The following ADRA1B variants were observed in gnomAD, a reference collection of about 807,000 sequenced individuals.
ADRA1B encodes adrenoceptor alpha 1B.
Under a neutral mutation model 17.9 loss-of-function variants are expected in ADRA1B, and 17 were observed. That is an observed-to-expected ratio of 0.95 (90% CI 0.65 to 1.42). The LOEUF (loss-of-function observed/expected upper bound fraction) is 1.42. ADRA1B is among the 40% of genes most tolerant of loss of function. The pLI, the probability that ADRA1B is intolerant of heterozygous loss-of-function variation, is 0.00. For synonymous variants in ADRA1B, 366 were observed against 327.6 expected (o/e 1.12, Z -1.27); for missense variants, 681 against 722.1 (o/e 0.94, Z 0.65).
intron 1 of ADRA1B, among the ~76,000 whole-genome samples, chr5:159,872,109 A>T (rs539887956): frequency 6.6e-6 from 1 of 152,256 alleles, no homozygotes; most frequent in African/African-American, 2.4e-5. Flanking sequence ...AACTAAAATA[A>T]TCTTATAAGA....
intron 1 of ADRA1B, among the ~76,000 whole-genome samples, chr5:159,893,436 C>A (rs1369053869): frequency 6.6e-6 from 1 of 152,168 alleles, no homozygotes; most frequent in Non-Finnish European, 1.5e-5. Flanking sequence ...GGAGAGGCAG[C>A]TTGGAAGGAG....
At chr5:159,887,016 A>C (rs1753932426) in intron 1 of ADRA1B, among the ~76,000 whole-genome samples, 1 of 152,190 alleles carries the variant, frequency 6.6e-6, no homozygotes, top group Non-Finnish European at 1.5e-5. Context: ...ATGATGAAAA[A>C]TTGAGTGGAT....
intron 1 of ADRA1B, among the ~76,000 whole-genome samples, chr5:159,878,936 C>T (rs750643018): frequency 3.9e-5 from 6 of 152,136 alleles, no homozygotes. Context: ...ACTTACTGCT[C>T]ATGCCCCCTA....
intron 1 of ADRA1B, among the ~76,000 whole-genome samples, chr5:159,881,167 C>T (rs1470257794): frequency 8.6e-6 from 1 of 115,658 alleles, no homozygotes; most frequent in Non-Finnish European, 1.6e-5. Flanking sequence ...GGCGACAGAG[C>T]GAGACTCCGT....
intron 1 of ADRA1B, among the ~76,000 whole-genome samples, chr5:159,958,575 T>G (rs1159476947): frequency 1.3e-5 from 2 of 152,208 alleles, no homozygotes; most frequent in African/African-American, 4.8e-5. Context: ...CTCATGGTTA[T>G]TCTTCCAAAT....
intron 1 of ADRA1B, among the ~76,000 whole-genome samples, chr5:159,910,539 A>T (rs1754217446): frequency 6.6e-6 from 1 of 152,034 alleles, no homozygotes; most frequent in African/African-American, 2.4e-5. Context: ...AGGTTAACAA[A>T]TTTTTTCTGC....
intron 1 of ADRA1B, among the ~76,000 whole-genome samples, chr5:159,896,484 T>C (rs193113472): frequency 6.9e-4 from 105 of 152,324 alleles, no homozygotes; most frequent in Non-Finnish European, 4.1e-4. Context: ...TTAAATGTGT[T>C]CCTGGAATTC....
At chr5:159,958,877 T>G (rs1755614911) in intron 1 of ADRA1B, among the ~76,000 whole-genome samples, 1 of 152,238 alleles carries the variant, frequency 6.6e-6, no homozygotes, top group African/African-American at 2.4e-5. Context: ...CTATTTCCAA[T>G]GAGGTCAAAG....
At chr5:159,894,849 C>T (rs755907564) in intron 1 of ADRA1B, among the ~76,000 whole-genome samples, 2 of 152,190 alleles carry the variant, frequency 1.3e-5, no homozygotes, top group East Asian at 1.9e-4. Context: ...AGAACTACTA[C>T]CATTAAGAAC....
At position 159,948,793 on chromosome 5, in the gene ADRA1B, A is replaced by T. The variant is rs897048366; in HGVS notation, c.950-23086A>T. On this transcript the variant is annotated intron_variant, in intron 1 of 1. Coordinates refer to ENST00000306675, the MANE Select transcript of ADRA1B (RefSeq NM_000679.4). ...TTGGGGTTGTTTCCAATTTTTAGTT[A>T]TGATAAATAATGTGCCAATAAAATC... 1.2e-3 allele frequency among the ~76,000 whole-genome samples: 189 copies of T among 152,322 alleles called. 2 individuals are homozygous for T. The highest frequency in any genetic ancestry group is 4.1e-4 in the Non-Finnish European group (28 of 68,026).
chr5:159,942,636 C>A (rs192302888), intron 1 of ADRA1B, among the ~76,000 whole-genome samples: 2 of 152,232 alleles, frequency 1.3e-5, no homozygotes, highest in East Asian at 3.9e-4. Flanking sequence ...CACAGTGAGA[C>A]CCTCATCTCT....
At chr5:159,984,189 C>T in the ADRA1B span, among the ~76,000 whole-genome samples, 11 of 152,192 alleles carry the variant, frequency 7.2e-5, no homozygotes, top group Admixed American at 3.9e-4. Flanking sequence ...TCTCTTCACT[C>T]CCTGGTTACC....
rs972350394 is a variant in ADRA1B, at chr5:159,945,304, A to G, written c.950-26575A>G. On this transcript the variant is annotated intron_variant, in intron 1 of 1. Transcript: ENST00000306675. Reference sequence around the variant, plus strand: ...GAGGTGGAGGTTGCAGTGAGCCCAGATTGCGCCATTGCACTCCAGCCTGGG... The same window carrying G: ...GAGGTGGAGGTTGCAGTGAGCCCAGGTTGCGCCATTGCACTCCAGCCTGGG... Among the ~76,000 whole-genome samples the G allele has an allele frequency of 3.3e-5, 5 of 152,136 alleles. No homozygotes were observed. The South Asian group carries it at 1.0e-3, about 32-fold the overall frequency.
At chr5:159,872,547 C>A (rs369874466) in intron 1 of ADRA1B, among the ~76,000 whole-genome samples, 2 of 152,256 alleles carry the variant, frequency 1.3e-5, no homozygotes, top group African/African-American at 4.8e-5. Context: ...GATGTGATTG[C>A]CTAGAGTCAT....
At chr5:159,894,450 A>G (rs986471663) in intron 1 of ADRA1B, among the ~76,000 whole-genome samples, 2 of 117,780 alleles carry the variant, frequency 1.7e-5, no homozygotes, top group African/African-American at 8.0e-5. Context: ...GCATATTCAC[A>G]GTTCTGTCTC....
At chr5:159,922,668 C>A (rs1352420741) in intron 1 of ADRA1B, among the ~76,000 whole-genome samples, 2 of 152,080 alleles carry the variant, frequency 1.3e-5, no homozygotes, top group Non-Finnish European at 2.9e-5. Context: ...GGCATTTTGT[C>A]AGCCACCCCA....
At chr5:159,973,539 C>T (rs919003332), downstream of ADRA1B, among the ~76,000 whole-genome samples, 2 of 152,168 alleles carry the variant, frequency 1.3e-5, no homozygotes, top group Non-Finnish European at 2.9e-5. Context: ...TTTGCCTGTG[C>T]CCACAGAACT....
Position 159,972,264 on chromosome 5 carries a change from CG to C in ADRA1B, c.1336del (p.Glu446SerfsTer9). 1 of 1,345,514 alleles carries C rather than the reference CG, an allele frequency of 7.4e-7. No individual in the cohort carries two copies. The highest frequency in any genetic ancestry group is 3.3e-5 in the East Asian group (1 of 30,480). The allele number at this position is 1,345,514 out of a possible 1,614,324, so 83.3% of individuals were successfully genotyped here. On this transcript the variant is annotated frameshift_variant, in exon 2 of 2. Coordinates refer to ENST00000306675, the MANE Select transcript of ADRA1B (RefSeq NM_000679.4). LOFTEE classifies it low-confidence loss of function (END_TRUNC). ...CGCCAGTCGAGCTGTGCGCCTTCCC[CG>C]AGTGGAAGGCGCCCGGCGCCCTCCT... ...PPPVELCAFPEWKAPGALLSL... is the reference protein window; with the variant it reads ...PPPVELCAFPXWKAPGALLSL...
chr5:159,968,174 A>C (rs995343142), intron 1 of ADRA1B, among the ~76,000 whole-genome samples: 8 of 152,172 alleles, frequency 5.3e-5, no homozygotes, highest in African/African-American at 1.9e-4. Flanking sequence ...TTAAATAACT[A>C]TGACTATCAT....
Sources: gnomAD v4.1 joint callset for allele counts (sites outside exome capture counted in the v4.1 genomes callset) on GRCh38, gnomAD v4.1.1 for gene constraint, MANE v1.5 for transcripts, NCBI Gene and HGNC (gene_info 2026-07-23, HGNC 2026-07-21) for gene names.